MMRN1: variants seen among roughly 807,000 people sequenced by gnomAD.
The protein encoded by MMRN1 is multimerin 1, also known as multimerin-1.
MMRN1 carries 94 observed loss-of-function variants against 100.7 expected under a neutral mutation model. That is an observed-to-expected ratio of 0.93 (90% CI 0.79 to 1.11). MMRN1 has a LOEUF of 1.11. Among genes scored for constraint, MMRN1 ranks in the 50% least tolerant of loss-of-function variants. The probability of loss-of-function intolerance (pLI) is 0.00; values close to 1 mark genes in which losing one functional copy is unlikely to be tolerated. For synonymous variants in MMRN1, 575 were observed against 505.0 expected (o/e 1.14, Z -1.86); for missense variants, 1,606 against 1,439.1 (o/e 1.12, Z -1.88).
At position 89,925,637 on chromosome 4, in the gene MMRN1, C is replaced by T. The variant is rs571134952; in HGVS notation, c.956-2158C>T. Reference sequence around the variant, plus strand: ...ACGAGGTCAGGAGATCAAGAACATCCTGGCCAACATGGTGAAACCCTGTCT... The same window carrying T: ...ACGAGGTCAGGAGATCAAGAACATCTTGGCCAACATGGTGAAACCCTGTCT... On this transcript the variant is annotated intron_variant, in intron 4 of 7. Coordinates refer to ENST00000264790, the MANE Select transcript of MMRN1 (RefSeq NM_007351.3). 7.9e-5 allele frequency among the ~76,000 whole-genome samples: 12 copies of T among 151,888 alleles called. No individual in the cohort carries two copies. In the East Asian group the frequency reaches 2.3e-3, roughly 30 times the overall value.
rs568621473 is a variant in MMRN1, at chr4:89,909,278, A to G, written c.626A>G (p.Asn209Ser). ...KSNFETTRGK[N>S]WCAYVHTRLS... is the part of the protein sequence containing the mutation. Reference sequence around the variant, plus strand: ...CTAACAATTATGATCTTCTTTAGGAATTGGTGTGCTTATGTACATACCAGG... The same window carrying G: ...CTAACAATTATGATCTTCTTTAGGAGTTGGTGTGCTTATGTACATACCAGG... Residue 209 changes from asparagine to serine, a missense_variant and splice_region_variant, in exon 2 of 8, where the codon AAT becomes AGT. Transcript: ENST00000264790. 1 of 1,591,320 alleles carries G rather than the reference A, an allele frequency of 6.3e-7. No homozygotes were observed. Among genetic ancestry groups the G allele is most frequent in the South Asian group, 1.1e-5 (1 of 87,596 alleles).
At chr4:89,880,800 C>G (rs1031434607) in intron 1 of MMRN1, among the ~76,000 whole-genome samples, 8 of 152,176 alleles carry the variant, frequency 5.3e-5, no homozygotes, top group African/African-American at 1.9e-4. Flanking sequence ...TGAGGCTTGG[C>G]AAGATCAAGG....
At chr4:89,893,337 T>TA (rs1721097076), upstream of MMRN1, among the ~76,000 whole-genome samples, 1 of 152,002 alleles carries the variant, frequency 6.6e-6, no homozygotes, top group African/African-American at 2.4e-5. Context: ...ACAATACACT[T>TA]ACGGAAATAA....
intron 1 of MMRN1, among the ~76,000 whole-genome samples, chr4:89,904,848 A>T (rs1186546553): frequency 1.3e-5 from 2 of 151,728 alleles, no homozygotes; most frequent in African/African-American, 4.8e-5. Flanking sequence ...AGTTTTCCTC[A>T]GGGACTTAAT....
At chr4:89,901,421 T>C (rs1389411181) in intron 1 of MMRN1, among the ~76,000 whole-genome samples, 1 of 152,070 alleles carries the variant, frequency 6.6e-6, no homozygotes, top group Non-Finnish European at 1.5e-5. Context: ...CTGAGTTTAA[T>C]GACAAATTAG....
chr4:89,897,813 A>G (rs1236424121), intron 1 of MMRN1, among the ~76,000 whole-genome samples: 3 of 152,172 alleles, frequency 2.0e-5, no homozygotes, highest in Non-Finnish European at 4.4e-5. Flanking sequence ...CCTCTGTCTA[A>G]GGAATATTCC....
At chr4:89,939,069 G>A (rs1390398157) in intron 6 of MMRN1, among the ~76,000 whole-genome samples, 1 of 152,130 alleles carries the variant, frequency 6.6e-6, no homozygotes, top group Non-Finnish European at 1.5e-5. Flanking sequence ...GTCTATGAAA[G>A]ATGATGAAAC....
At chr4:89,896,939 A>G (rs1721223975) in intron 1 of MMRN1, among the ~76,000 whole-genome samples, 2 of 152,200 alleles carry the variant, frequency 1.3e-5, no homozygotes, top group Admixed American at 6.5e-5. Flanking sequence ...ACAGATTACA[A>G]TATGTTCACT....
chr4:89,920,765 T>G (rs1414270237), intron 3 of MMRN1, among the ~76,000 whole-genome samples: 1 of 152,098 alleles, frequency 6.6e-6, no homozygotes, highest in Non-Finnish European at 1.5e-5. Flanking sequence ...AAAATTAGTG[T>G]TCCTAACCAG....
chr4:89,894,949 C>A lies in MMRN1; in HGVS notation c.-23C>A, dbSNP rs766546799. 3 of 1,582,262 alleles carry A rather than the reference C, an allele frequency of 1.9e-6. No homozygotes were observed. The highest frequency in any genetic ancestry group is 2.6e-6 in the Non-Finnish European group (3 of 1,164,444). ...ATTTTGTCCCCAAATTTCACATGAG[C>A]TACCTTGCTTCAAACTACTGAGATG... is the stretch of plus-strand genomic sequence containing the variant. On this transcript the variant is annotated 5_prime_UTR_variant, in exon 1 of 8. Transcript: ENST00000264790.
At chr4:89,917,703 T>C (rs77986099) in intron 3 of MMRN1, among the ~76,000 whole-genome samples, 4,214 of 151,992 alleles carry the variant, frequency 0.028, 97 homozygotes, top group Non-Finnish European at 0.042. Context: ...TAATTTAATA[T>C]AGGGAACCCT....
intron 5 of MMRN1, among the ~76,000 whole-genome samples, chr4:89,932,836 C>T (rs889485116): frequency 4.6e-5 from 7 of 152,170 alleles, no homozygotes; most frequent in African/African-American, 1.7e-4. Context: ...CTCTGACATG[C>T]TCTGGAGGCA....
At position 89,927,687 on chromosome 4, in the gene MMRN1, G is replaced by T. The variant is rs957999734; in HGVS notation, c.956-108G>T. Reference sequence around the variant, plus strand: ...TGGTGAAAGTGAGCATCTTTGTTGTGCTCCAGCTTACAGAAGAAAGGGTTT... The same window carrying T: ...TGGTGAAAGTGAGCATCTTTGTTGTTCTCCAGCTTACAGAAGAAAGGGTTT... On this transcript the variant is annotated intron_variant, in intron 4 of 7. Coordinates refer to ENST00000264790, the MANE Select transcript of MMRN1 (RefSeq NM_007351.3). 4 of 934,450 alleles carry T rather than the reference G, an allele frequency of 4.3e-6. No individual in the cohort carries two copies. The East Asian group carries it at 8.1e-5, about 19-fold the overall frequency. 57.9% of individuals were successfully genotyped at this position (934,450 alleles called of 1,614,324 possible).
At chr4:89,934,509 G>T (rs758063095) in intron 5 of MMRN1, among the ~76,000 whole-genome samples, 3 of 151,992 alleles carry the variant, frequency 2.0e-5, no homozygotes, top group Admixed American at 1.3e-4. Context: ...TGTACACAAG[G>T]GTGTATTACT....
chr4:89,888,162 G>A (rs1470562318), intron 1 of MMRN1, among the ~76,000 whole-genome samples: 5 of 151,662 alleles, frequency 3.3e-5, no homozygotes, highest in African/African-American at 1.2e-4. Context: ...TGTCAATCTA[G>A]CTCCATTTTT....
In MMRN1 at chr4:89,895,024, T is replaced by C; in HGVS notation, c.53T>C (p.Ile18Thr). Residue 18 changes from isoleucine to threonine, a missense_variant, in exon 1 of 8, where the codon ATT (isoleucine) becomes ACT (threonine). Ile to Thr is a moderately conservative substitution (Grantham distance 89). Transcript: ENST00000264790. ...VLLSSLWSGG[I>T]GLNNSKHSWT... is the part of the protein sequence containing the mutation. ...CTTTCTAGTTTATGGAGTGGGGGCA[T>C]TGGGCTTAACAACAGTAAGCATTCT... The C allele has an allele frequency of 1.2e-6, 2 of 1,613,850 alleles. No homozygotes were observed. Among genetic ancestry groups the C allele is most frequent in the Non-Finnish European group, 1.7e-6 (2 of 1,179,824 alleles).
chr4:89,880,769 G>A (rs766968546), intron 1 of MMRN1, among the ~76,000 whole-genome samples: 4 of 152,102 alleles, frequency 2.6e-5, no homozygotes, highest in Non-Finnish European at 4.4e-5. Flanking sequence ...ATCATGGGAA[G>A]AAGAATACAG....
chr4:89,929,513 A>T (rs1722370785), intron 5 of MMRN1, among the ~76,000 whole-genome samples: 1 of 152,276 alleles, frequency 6.6e-6, no homozygotes, highest in Non-Finnish European at 1.5e-5. Flanking sequence ...AGTCAAATAG[A>T]AACAGTATGT....
chr4:89,902,408 T>A (rs902208982), intron 1 of MMRN1, among the ~76,000 whole-genome samples: 4 of 151,978 alleles, frequency 2.6e-5, no homozygotes, highest in Non-Finnish European at 2.9e-5. Flanking sequence ...ACTTTAAGAA[T>A]CATTACTTAT....
Sources: gnomAD v4.1 joint callset for allele counts (sites outside exome capture counted in the v4.1 genomes callset) on GRCh38, gnomAD v4.1.1 for gene constraint, MANE v1.5 for transcripts, NCBI Gene and HGNC (gene_info 2026-07-23, HGNC 2026-07-21) for gene names.